SCAMP1: variants seen among roughly 807,000 people sequenced by gnomAD.
SCAMP1 encodes the protein secretory carrier membrane protein 1.
A neutral mutation model predicts 41.8 loss-of-function variants in SCAMP1; 15 were observed. The observed-to-expected ratio is 0.36, with a 90% CI of 0.24 to 0.55. The LOEUF (loss-of-function observed/expected upper bound fraction) is 0.55. Among genes scored for constraint, SCAMP1 ranks in the 20% least tolerant of loss-of-function variants. SCAMP1 has a pLI of 0.86. For missense variants in SCAMP1, 341 were observed against 412.6 expected, an observed-to-expected ratio of 0.83 and a Z score of 1.50; for synonymous variants, 135 against 136.8, an observed-to-expected ratio of 0.99 and a Z score of 0.09.
intron 1 of SCAMP1, among the ~76,000 whole-genome samples, chr5:78,386,054 T>G (rs1415457577): frequency 2.0e-5 from 3 of 152,188 alleles, no homozygotes; most frequent in Non-Finnish European, 4.4e-5. Context: ...AGTAGAGTAT[T>G]GAAGTCCCCC....
At chr5:78,364,979 T>TAACA (rs35430687) in intron 1 of SCAMP1, among the ~76,000 whole-genome samples, 142,667 of 150,884 alleles carry the variant, frequency 0.95, 67,654 homozygotes, top group Non-Finnish European at 0.97. Flanking sequence ...TATACATATG[T>TAACA]AACCTGTACG....
chr5:78,466,599 G>T (rs1271330546), intron 8 of SCAMP1, among the ~76,000 whole-genome samples: 1 of 151,928 alleles, frequency 6.6e-6, no homozygotes, highest in African/African-American at 2.4e-5. Flanking sequence ...GGGGCTAGGA[G>T]AATTGTAGGT....
intron 7 of SCAMP1, 92 bp from the exon 8 acceptor site, chr5:78,459,153 G>C (rs1191864590): frequency 1.4e-6 from 1 of 697,064 alleles, no homozygotes. Flanking sequence ...ATATTGCCTG[G>C]CTGATAAGTG....
intron 1 of SCAMP1, among the ~76,000 whole-genome samples, chr5:78,370,213 G>T (rs981863437): frequency 6.6e-6 from 1 of 152,230 alleles, no homozygotes; most frequent in African/African-American, 2.4e-5. Context: ...GGGTGATAGA[G>T]TTAAGCCTGT....
chr5:78,384,716 A>G (rs1368391283), intron 1 of SCAMP1, among the ~76,000 whole-genome samples: 1 of 152,056 alleles, frequency 6.6e-6, no homozygotes, highest in African/African-American at 2.4e-5. Flanking sequence ...TGATCAGGTA[A>G]TTCTTGTTTT....
chr5:78,436,634 T>C (rs891749314), intron 6 of SCAMP1, among the ~76,000 whole-genome samples: 1 of 152,238 alleles, frequency 6.6e-6, no homozygotes, highest in African/African-American at 2.4e-5. Flanking sequence ...AGCCTTGTAG[T>C]ATAGTTTGAA....
chr5:78,444,943 A>T (rs1010526882), intron 6 of SCAMP1, among the ~76,000 whole-genome samples: 1 of 152,182 alleles, frequency 6.6e-6, no homozygotes, highest in Non-Finnish European at 1.5e-5. Flanking sequence ...AAGTTACACA[A>T]CTTTAAGTGG....
At chr5:78,403,037 A>G (rs376237003) in intron 2 of SCAMP1, among the ~76,000 whole-genome samples, 2 of 151,818 alleles carry the variant, frequency 1.3e-5, no homozygotes, top group African/African-American at 4.8e-5. Context: ...CACCTGGCTA[A>G]TTTTTGTATT....
chr5:78,448,014 CCTCT>C, intron 6 of SCAMP1, among the ~76,000 whole-genome samples: 1 of 18,584 alleles, frequency 5.4e-5, no homozygotes, highest in South Asian at 2.8e-3. Context: ...CTCCTCCTCC[CCTCT>C]CCTTCCCCCT....
At chr5:78,453,924 G>A (rs1029189462) in intron 7 of SCAMP1, among the ~76,000 whole-genome samples, 17 of 151,970 alleles carry the variant, frequency 1.1e-4, no homozygotes, top group Middle Eastern at 3.4e-3. Flanking sequence ...TTGGATTCCT[G>A]GGTATTTTAT....
At chr5:78,424,599 C>G (rs1382357463) in intron 6 of SCAMP1, among the ~76,000 whole-genome samples, 1 of 152,018 alleles carries the variant, frequency 6.6e-6, no homozygotes, top group African/African-American at 2.4e-5. Context: ...AGTATCGTGG[C>G]ATGTTTCTGT....
chr5:78,394,676 G>A (rs1006183608), intron 2 of SCAMP1, among the ~76,000 whole-genome samples: 10 of 152,082 alleles, frequency 6.6e-5, no homozygotes, highest in African/African-American at 2.4e-4. Context: ...TTCTCTCGCT[G>A]TGCACTTCTT....
intron 8 of SCAMP1, among the ~76,000 whole-genome samples, chr5:78,462,196 A>AGTGTGTGTGTGTGT (rs58331355): frequency 2.7e-5 from 4 of 147,988 alleles, no homozygotes; most frequent in East Asian, 2.0e-4. Context: ...TGTGTGTAGG[A>AGTGTGTGTGTGTGT]GTGTGTGTGT....
intron 8 of SCAMP1, among the ~76,000 whole-genome samples, chr5:78,471,366 G>T (rs1442091218): frequency 6.6e-6 from 1 of 152,140 alleles, no homozygotes; most frequent in African/African-American, 2.4e-5. Flanking sequence ...CCATCTGTGG[G>T]CAGGAGGGTT....
rs573462776 is a variant in SCAMP1 at position 78,402,359 on chromosome 5, G to A, written c.136-13161G>A. On this transcript the variant is annotated intron_variant, in intron 2 of 8. Transcript: ENST00000621999. ...TCAACGGATGGTATTGTTGAATTCA[G>A]CTATGTTCTTAATGATTTCTTGCCT... 1.5e-3 allele frequency among the ~76,000 whole-genome samples: 225 copies of A among 152,008 alleles called. 1 individual carries two copies. Among genetic ancestry groups the A allele is most frequent in the Admixed American group, 2.7e-3 (41 of 15,268 alleles).
intron 7 of SCAMP1, chr5:78,457,958 C>T (rs1244579999): frequency 6.6e-6 from 1 of 152,576 alleles, no homozygotes; most frequent in Non-Finnish European, 1.5e-5. Context: ...CCAGGTGCGT[C>T]TGTCACCCCT....
chr5:78,421,746 A>C, intron 5 of SCAMP1, 55 bp from the exon 6 acceptor site: 1 of 1,479,348 alleles, frequency 6.8e-7, no homozygotes, highest in Non-Finnish European at 9.3e-7. Flanking sequence ...TGTTGGATGA[A>C]TTCATAAATT....
chr5:78,438,771 T>C (rs1185720128), intron 6 of SCAMP1, among the ~76,000 whole-genome samples: 1 of 152,192 alleles, frequency 6.6e-6, no homozygotes, highest in African/African-American at 2.4e-5. Flanking sequence ...GATATCCTTG[T>C]TAACCTTCTG....
At chr5:78,469,827 C>T (rs1274688452) in intron 8 of SCAMP1, among the ~76,000 whole-genome samples, 3 of 135,966 alleles carry the variant, frequency 2.2e-5, no homozygotes, top group East Asian at 2.3e-4. Flanking sequence ...TGACTTGAGG[C>T]GAGGAGTTTG....
Sources: gnomAD v4.1 joint callset for allele counts (sites outside exome capture counted in the v4.1 genomes callset) on GRCh38, gnomAD v4.1.1 for gene constraint, MANE v1.5 for transcripts, NCBI Gene and HGNC (gene_info 2026-07-23, HGNC 2026-07-21) for gene names.